SLC5A12: variants seen among roughly 807,000 people sequenced by gnomAD.
SLC5A12 encodes sodium-coupled monocarboxylate transporter 2.
SLC5A12 carries 46 observed loss-of-function variants against 72.7 expected under a neutral mutation model. The observed-to-expected ratio is 0.63, with a 90% CI of 0.50 to 0.81. SLC5A12 has a LOEUF of 0.81. Among genes scored for constraint, SLC5A12 ranks in the 30% least tolerant of loss-of-function variants. The pLI is 0.00. For synonymous variants in SLC5A12, 275 were observed against 264.4 expected, an observed-to-expected ratio of 1.04 and a Z score of -0.39; for missense variants, 683 against 740.7, an observed-to-expected ratio of 0.92 and a Z score of 0.90.
intron 1 of SLC5A12, among the ~76,000 whole-genome samples, chr11:26,715,022 A>T (rs553682335): frequency 2.3e-5 from 1 of 44,170 alleles, no homozygotes; most frequent in South Asian, 1.0e-3. Flanking sequence ...ATAAGGTAGA[A>T]AACACTGAAA....
intron 14 of SLC5A12, 88 bp downstream of exon 14, chr11:26,673,314 A>T: frequency 7.6e-7 from 1 of 1,319,864 alleles, no homozygotes; most frequent in Middle Eastern, 2.0e-4. Flanking sequence ...TTCCCTTTCC[A>T]GTGCATCTTT....
chr11:26,721,055 G>A (rs11029687), intron 1 of SLC5A12, among the ~76,000 whole-genome samples: 72,245 of 151,928 alleles, frequency 0.48, 21,011 homozygotes, highest in Non-Finnish European at 0.66. Flanking sequence ...TCAGAATGAT[G>A]ACGTTCACAA....
chr11:26,669,197 T>TTCTTTCTTTCTTTC lies in SLC5A12; in HGVS notation c.*1891_*1904dup, dbSNP rs1854077345. The TTCTTTCTTTCTTTC allele has an allele frequency of 2.9e-5, 4 of 135,692 alleles. No homozygotes were observed. Among genetic ancestry groups the TTCTTTCTTTCTTTC allele is most frequent in the Admixed American group, 7.4e-5 (1 of 13,526 alleles). The allele number at this position is 135,692 out of a possible 1,614,324, so 8.4% of individuals were successfully genotyped here. A position where few individuals can be genotyped will look rare whatever the true frequency, so the allele number is the denominator to read the frequency against. Reference sequence around the variant, plus strand: ...TTTCTTTCTTTCTTCTTTTCTTTCTTTCTTTCTTTCTTTCTTTCTTTCTCT... The same window carrying TTCTTTCTTTCTTTC: ...TTTCTTTCTTTCTTCTTTTCTTTCTTTCTTTCTTTCTTTCTCTTTCTTTCTTTCTTTCTTTCTCT... On this transcript the variant is annotated 3_prime_UTR_variant, in exon 15 of 15. Transcript: ENST00000396005.
At chr11:26,713,279 G>T (rs974676898) in intron 1 of SLC5A12, among the ~76,000 whole-genome samples, 2 of 151,968 alleles carry the variant, frequency 1.3e-5, no homozygotes, top group African/African-American at 4.8e-5. Flanking sequence ...TCGGATCCAC[G>T]CCCTCCCTTT....
chr11:26,693,386 A>G (rs4923377), intron 8 of SLC5A12, among the ~76,000 whole-genome samples: 148,207 of 152,268 alleles, frequency 0.97, 72,243 homozygotes, highest in East Asian at 1. Flanking sequence ...AAGAGAAAGT[A>G]GCAAGAGGTA....
At position 26,673,489 on chromosome 11, in the gene SLC5A12, T is replaced by C. The variant is rs1348114925; in HGVS notation, c.1620A>G (p.Arg540=). The change falls in exon 14 of 15, where the codon AGA becomes AGG. Residue 540 remains arginine (R), a synonymous_variant. Transcript: ENST00000396005. The part of the protein sequence containing the change: ...RGEDIQPLLI[R]PVCNLFCFWS... Reference sequence around the variant, plus strand: ...AAAAGCAAAATAAATTACAAACTGGTCTAATTAACAGTGGTTGAATATCCT... The same window carrying C: ...AAAAGCAAAATAAATTACAAACTGGCCTAATTAACAGTGGTTGAATATCCT... The C allele has an allele frequency of 1.2e-6, 2 of 1,611,798 alleles. No homozygotes were observed. The highest frequency in any genetic ancestry group is 1.7e-6 in the Non-Finnish European group (2 of 1,178,884).
chr11:26,712,797 G>T, intron 1 of SLC5A12, 91 bp from the exon 2 acceptor site: 1 of 738,486 alleles, frequency 1.4e-6, no homozygotes, highest in Non-Finnish European at 2.1e-6. Flanking sequence ...CCTCTGTTGT[G>T]CTCTGGACTT....
intron 10 of SLC5A12, among the ~76,000 whole-genome samples, chr11:26,685,709 G>A (rs1854515917): frequency 6.6e-6 from 1 of 152,154 alleles, no homozygotes; most frequent in African/African-American, 2.4e-5. Context: ...ATGCTGCTTT[G>A]TGAGTTGGGC....
chr11:26,703,734 G>A (rs1480403759), intron 5 of SLC5A12, 59 bp downstream of exon 5: 3 of 1,612,532 alleles, frequency 1.9e-6, no homozygotes, highest in African/African-American at 2.7e-5. Context: ...TATTATTTTA[G>A]GTGATAAGGT....
chr11:26,678,342 T>C (rs148193104), intron 13 of SLC5A12, among the ~76,000 whole-genome samples: 19 of 152,090 alleles, frequency 1.2e-4, no homozygotes, highest in African/African-American at 3.9e-4. Flanking sequence ...AAATAATATA[T>C]GGGAAATGTT....
rs764841183 is a variant in SLC5A12 at position 26,703,596 on chromosome 11, G to C, written c.756C>G (p.Ile252Met). The change falls in exon 6 of 15, where the codon ATC (isoleucine) becomes ATG (methionine). Residue 252 changes from isoleucine (I) to methionine (M), a missense_variant. Coordinates refer to ENST00000396005, the MANE Select transcript of SLC5A12 (RefSeq NM_178498.4). Reference protein sequence around the residue: ...TVGGTFTWLGIYGVNQSTIQR... With the variant: ...TVGGTFTWLGMYGVNQSTIQR... Reference sequence around the variant, plus strand: ...GAATAGTTGATTGATTGACCCCATAGATTCCGAGCCAAGTAAAAGTTCCTC... The same window carrying C: ...GAATAGTTGATTGATTGACCCCATACATTCCGAGCCAAGTAAAAGTTCCTC... 6.2e-7 allele frequency: 1 copy of C among 1,613,984 alleles called. No individual in the cohort carries two copies. The highest frequency in any genetic ancestry group is 8.5e-7 in the Non-Finnish European group (1 of 1,179,950).
chr11:26,720,232 G>A (rs2133229779), intron 1 of SLC5A12, among the ~76,000 whole-genome samples: 1 of 152,108 alleles, frequency 6.6e-6, no homozygotes, highest in South Asian at 2.1e-4. Context: ...GCAAACTTCT[G>A]TAGTCCCAGC....
chr11:26,686,182 T>G, intron 10 of SLC5A12, among the ~76,000 whole-genome samples: 1 of 152,180 alleles, frequency 6.6e-6, no homozygotes, highest in Non-Finnish European at 1.5e-5. Flanking sequence ...CAGATCAGAA[T>G]TTTTAAGAGT....
intron 1 of SLC5A12, among the ~76,000 whole-genome samples, chr11:26,720,324 C>CATAAATAAATAA (rs142328311): frequency 0.27 from 38,521 of 144,818 alleles, 6,237 homozygotes; most frequent in Middle Eastern, 0.4. Context: ...AGCCCCATCT[C>CATAAATAAATAA]ATAAATAAAT....
intron 8 of SLC5A12, among the ~76,000 whole-genome samples, chr11:26,695,222 C>T (rs1401831487): frequency 6.6e-6 from 1 of 151,664 alleles, no homozygotes; most frequent in Admixed American, 6.6e-5. Context: ...AGCTAAAGAC[C>T]AGTAGATCAA....
At chr11:26,674,554 C>A (rs1854223767) in intron 13 of SLC5A12, among the ~76,000 whole-genome samples, 1 of 152,002 alleles carries the variant, frequency 6.6e-6, no homozygotes, top group Non-Finnish European at 1.5e-5. Context: ...CACGAACTAC[C>A]ATGCCCGGCT....
chr11:26,717,560 G>T (rs147665183), intron 1 of SLC5A12, among the ~76,000 whole-genome samples: 7 of 152,264 alleles, frequency 4.6e-5, no homozygotes, highest in African/African-American at 1.7e-4. Context: ...TTGTGACAGG[G>T]TAGTGATAAA....
intron 10 of SLC5A12, among the ~76,000 whole-genome samples, chr11:26,684,052 GTT>G (rs1491329098): frequency 6.6e-6 from 1 of 151,582 alleles, no homozygotes; most frequent in African/African-American, 2.4e-5. Context: ...GTGTGTGTGT[GTT>G]TGTATAGTAG....
intron 4 of SLC5A12, 128 bp downstream of exon 4, chr11:26,709,184 A>C: frequency 3.4e-6 from 2 of 592,852 alleles, no homozygotes; most frequent in Non-Finnish European, 5.8e-6. Context: ...GTGACAGATA[A>C]GCCGACATAC....
Sources: allele counts gnomAD v4.1 joint callset (sites outside exome capture counted in the v4.1 genomes callset), GRCh38; gene constraint gnomAD v4.1.1; transcripts MANE v1.5; gene names NCBI Gene and HGNC (gene_info 2026-07-23, HGNC 2026-07-21).